MEIS2: variants seen among roughly 807,000 people sequenced by gnomAD.
MEIS2 encodes the protein homeobox protein Meis2.
MEIS2 carries 9 observed loss-of-function variants against 58.6 expected under a neutral mutation model. The ratio of observed to expected loss-of-function variants is 0.15; its 90% CI spans 0.09 to 0.27. The LOEUF (loss-of-function observed/expected upper bound fraction) is 0.27, where lower values mean the gene tolerates loss of function less well. Ranked by LOEUF, MEIS2 falls within the 10% of genes least tolerant of loss-of-function variation. MEIS2 has a pLI of 1.00. For missense variants in MEIS2, 427 were observed against 635.0 expected (o/e 0.67, Z 3.52); for synonymous variants, 221 against 228.4 (o/e 0.97, Z 0.29).
intron 6 of MEIS2, among the ~76,000 whole-genome samples, chr15:37,085,421 A>C (rs1342929650): frequency 6.6e-6 from 1 of 152,204 alleles, no homozygotes; most frequent in Non-Finnish European, 1.5e-5. Flanking sequence ...AAAATAAAAC[A>C]AGAAACCAAG....
intron 8 of MEIS2, among the ~76,000 whole-genome samples, chr15:36,995,977 A>ATGTGTG (rs199765311): frequency 6.7e-5 from 2 of 29,950 alleles, no homozygotes; most frequent in Admixed American, 6.2e-4. Flanking sequence ...ATATATATAT[A>ATGTGTG]TATATATATA....
At chr15:36,960,407 C>A (rs2059141418) in intron 8 of MEIS2, among the ~76,000 whole-genome samples, 1 of 152,010 alleles carries the variant, frequency 6.6e-6, no homozygotes, top group Non-Finnish European at 1.5e-5. Flanking sequence ...CTAATGACTT[C>A]TTGTGATAGA....
chr15:37,062,918 G>A (rs1320804356), intron 7 of MEIS2, among the ~76,000 whole-genome samples: 2 of 152,172 alleles, frequency 1.3e-5, no homozygotes, highest in Non-Finnish European at 2.9e-5. Context: ...TCATCTTCAA[G>A]GATGGGGTAA....
intron 4 of MEIS2, 99 bp downstream of exon 4, chr15:37,095,465 G>A (rs1461807711): frequency 1.3e-6 from 2 of 1,564,382 alleles, no homozygotes; most frequent in Non-Finnish European, 8.8e-7. Context: ...TCCAAAAGAG[G>A]GTTCTGTTCT....
intron 9 of MEIS2, among the ~76,000 whole-genome samples, chr15:36,939,604 T>G (rs956253343): frequency 2.6e-5 from 4 of 152,084 alleles, no homozygotes; most frequent in African/African-American, 9.7e-5. Context: ...TCATACCATC[T>G]CCATGATGTG....
intron 8 of MEIS2, among the ~76,000 whole-genome samples, chr15:37,021,889 C>T (rs1242803528): frequency 6.6e-6 from 1 of 152,004 alleles, no homozygotes; most frequent in Non-Finnish European, 1.5e-5. Context: ...ATAAATACTG[C>T]CTTACCCGGT....
At chr15:37,052,734 A>G (rs1054859174) in intron 7 of MEIS2, among the ~76,000 whole-genome samples, 2 of 152,230 alleles carry the variant, frequency 1.3e-5, no homozygotes, top group Admixed American at 6.5e-5. Context: ...ACCCATTCAC[A>G]TAAGAAAAAT....
chr15:37,042,787 T>C (rs1456119987), intron 7 of MEIS2, among the ~76,000 whole-genome samples: 1 of 152,172 alleles, frequency 6.6e-6, no homozygotes, highest in East Asian at 1.9e-4. Flanking sequence ...GCTTTAATTA[T>C]ATTTGAGACT....
At chr15:37,034,333 G>A (rs1433502119) in intron 8 of MEIS2, among the ~76,000 whole-genome samples, 1 of 152,202 alleles carries the variant, frequency 6.6e-6, no homozygotes. Context: ...GGATCACAGA[G>A]CATGAATGCA....
intron 8 of MEIS2, among the ~76,000 whole-genome samples, chr15:37,009,047 T>G (rs183452054): frequency 6.6e-6 from 1 of 152,204 alleles, no homozygotes; most frequent in African/African-American, 2.4e-5. Context: ...CCCAGCACTT[T>G]GGGAGGCCGA....
chr15:37,056,625 C>T (rs1888460550), intron 7 of MEIS2, among the ~76,000 whole-genome samples: 1 of 152,198 alleles, frequency 6.6e-6, no homozygotes, highest in African/African-American at 2.4e-5. Context: ...GATTACAGCC[C>T]CGCTCACTGC....
rs1383259860 is a variant in MEIS2, at chr15:36,895,280, G to A, written c.1037-19C>T. Reference sequence around the variant, plus strand: ...AGAAAACCTGATTGTGGTCATTCGAGGACACAGAGGAGAAAGAAGAAAAGA... The same window carrying A: ...AGAAAACCTGATTGTGGTCATTCGAAGACACAGAGGAGAAAGAAGAAAAGA... On this transcript the variant is annotated intron_variant, in intron 10 of 11. Transcript: ENST00000561208. 2.5e-6 allele frequency: 4 copies of A among 1,597,214 alleles called. No individual in the cohort carries two copies. In the Admixed American group the frequency reaches 6.7e-5, roughly 27 times the overall value.
intron 7 of MEIS2, among the ~76,000 whole-genome samples, chr15:37,059,499 ACGTGCACTTGTTTATT>A (rs1369943817): frequency 6.6e-6 from 1 of 152,230 alleles, no homozygotes; most frequent in Non-Finnish European, 1.5e-5. Flanking sequence ...GCTAAGCATT[ACGTGCACTTGTTTATT>A]CAAAAAAGCT....
intron 9 of MEIS2, among the ~76,000 whole-genome samples, chr15:36,926,818 G>A (rs1404013935): frequency 5.3e-5 from 8 of 152,042 alleles, no homozygotes; most frequent in Admixed American, 1.3e-4. Context: ...CATTGCATGC[G>A]TGCACACACT....
intron 8 of MEIS2, among the ~76,000 whole-genome samples, chr15:36,951,324 A>G (rs2058742721): frequency 6.6e-6 from 1 of 152,148 alleles, no homozygotes; most frequent in Non-Finnish European, 1.5e-5. Context: ...CCTGCTCTAA[A>G]TTCACTGATT....
intron 8 of MEIS2, among the ~76,000 whole-genome samples, chr15:37,027,553 T>C (rs972483142): frequency 1.3e-5 from 2 of 152,184 alleles, no homozygotes; most frequent in African/African-American, 4.8e-5. Context: ...AGCTGAATAT[T>C]CAATATGCAC....
At chr15:36,989,632 A>T (rs1262009720) in intron 8 of MEIS2, among the ~76,000 whole-genome samples, 3 of 152,180 alleles carry the variant, frequency 2.0e-5, no homozygotes, top group Non-Finnish European at 2.9e-5. Flanking sequence ...ATGAATGTTA[A>T]CATTGGTCCA....
chr15:36,993,949 C>T (rs989062497), intron 8 of MEIS2, among the ~76,000 whole-genome samples: 1 of 152,060 alleles, frequency 6.6e-6, no homozygotes, highest in Non-Finnish European at 1.5e-5. Flanking sequence ...CCAGCTACCT[C>T]CATAAGGTGT....
intron 8 of MEIS2, among the ~76,000 whole-genome samples, chr15:36,980,374 AG>A (rs1407846978): frequency 6.6e-6 from 1 of 152,162 alleles, no homozygotes; most frequent in African/African-American, 2.4e-5. Flanking sequence ...CAAAAGAAAG[AG>A]GTTTAATTGG....
Sources: allele counts gnomAD v4.1 joint callset (sites outside exome capture counted in the v4.1 genomes callset), GRCh38; gene constraint gnomAD v4.1.1; transcripts MANE v1.5; gene names NCBI Gene and HGNC (gene_info 2026-07-23, HGNC 2026-07-21).